Variants in CAPZB observed in about 807,000 individuals in gnomAD.
CAPZB encodes the protein F-actin-capping protein subunit beta.
A neutral mutation model predicts 38.1 loss-of-function variants in CAPZB; 2 were observed. The ratio of observed to expected loss-of-function variants is 0.05; its 90% CI spans 0.02 to 0.17. CAPZB has a LOEUF of 0.17. Among genes scored for constraint, CAPZB ranks in the 10% least tolerant of loss-of-function variants. The probability of loss-of-function intolerance (pLI) is 1.00; values close to 1 mark genes in which losing one functional copy is unlikely to be tolerated. For synonymous variants in CAPZB, 107 were observed against 127.4 expected (o/e 0.84, Z 1.08); for missense variants, 161 against 334.2 (o/e 0.48, Z 4.04).
At chr1:19,408,293 A>C (rs903384052) in intron 2 of CAPZB, among the ~76,000 whole-genome samples, 1 of 152,212 alleles carries the variant, frequency 6.6e-6, no homozygotes, top group African/African-American at 2.4e-5. Context: ...AGCCAGCATC[A>C]ATTAAGTGCC....
chr1:19,449,436 G>A lies in CAPZB; in HGVS notation c.4-29686C>T, dbSNP rs561474124. The A allele has an allele frequency of 4.4e-5, 26 of 585,838 alleles. No individual in the cohort carries two copies. The African/African-American group carries it at 5.0e-4, about 11-fold the overall frequency. 36.3% of individuals were successfully genotyped at this position (585,838 alleles called of 1,614,324 possible). On this transcript the variant is annotated intron_variant, in intron 1 of 8. Coordinates refer to ENST00000264202, the MANE Select transcript of CAPZB (RefSeq NM_004930.5). ...ACCAGCAGGTCTCAGGGTGAACCAT[G>A]GTATGTCCACTCAGTGGAACAGTAC...
intron 2 of CAPZB, among the ~76,000 whole-genome samples, chr1:19,411,820 T>C (rs1242172326): frequency 6.6e-6 from 1 of 152,208 alleles, no homozygotes; most frequent in African/African-American, 2.4e-5. Context: ...ATGCCATTTC[T>C]TCCTGGTGAA....
chr1:19,411,757 C>T (rs1404947939), intron 2 of CAPZB, among the ~76,000 whole-genome samples: 3 of 152,204 alleles, frequency 2.0e-5, no homozygotes, highest in African/African-American at 7.2e-5. Context: ...TATGAGGGAG[C>T]TGGTCAGGTA....
chr1:19,406,078 T>C (rs1367757554), intron 2 of CAPZB, among the ~76,000 whole-genome samples: 1 of 152,124 alleles, frequency 6.6e-6, no homozygotes, highest in African/African-American at 2.4e-5. Flanking sequence ...TGAACCTTAA[T>C]TGTGAGCTCG....
Position 19,354,758 on chromosome 1 carries a change from A to G in CAPZB, c.588+1877T>C, listed in dbSNP as rs186752769. ...GTCCAGGTCACTGTAAACCGGGTGG[A>G]ATTATCAACAGCCTGGAGTGGTAAG... On this transcript the variant is annotated intron_variant, in intron 6 of 8. Transcript: ENST00000264202. 2.3e-3 allele frequency among the ~76,000 whole-genome samples: 350 copies of G among 152,312 alleles called. 2 individuals carry two copies. Among genetic ancestry groups the G allele is most frequent in the African/African-American group, 8.3e-3 (346 of 41,562 alleles).
At chr1:19,371,292 T>A (rs2094118219) in intron 4 of CAPZB, among the ~76,000 whole-genome samples, 1 of 152,210 alleles carries the variant, frequency 6.6e-6, no homozygotes. Context: ...TGGTCCCGTA[T>A]CTGTGATCAT....
At chr1:19,444,258 C>T (rs576785041) in intron 1 of CAPZB, among the ~76,000 whole-genome samples, 164 of 152,294 alleles carry the variant, frequency 1.1e-3, no homozygotes, top group African/African-American at 3.7e-3. Flanking sequence ...CTCAATCCCT[C>T]TCTCTCCTGA....
intron 3 of CAPZB, among the ~76,000 whole-genome samples, chr1:19,382,528 AGAAGACCTT>A (rs1450217965): frequency 5.9e-5 from 9 of 152,232 alleles, no homozygotes; most frequent in Admixed American, 5.9e-4. Flanking sequence ...GGACAGAATC[AGAAGACCTT>A]GAAGTTTCAT....
At chr1:19,447,774 G>A (rs1277211031) in intron 1 of CAPZB, among the ~76,000 whole-genome samples, 1 of 152,192 alleles carries the variant, frequency 6.6e-6, no homozygotes, top group Admixed American at 6.5e-5. Flanking sequence ...CCAGCAGCTC[G>A]CAGGCCACAC....
chr1:19,352,554 CT>C (rs1051890011), intron 6 of CAPZB, among the ~76,000 whole-genome samples: 30 of 152,218 alleles, frequency 2.0e-4, no homozygotes, highest in Non-Finnish European at 3.5e-4. Context: ...GGCTTGCAAC[CT>C]TTTTTCGCTT....
chr1:19,449,309 C>G, intron 1 of CAPZB: 1 of 1,032,130 alleles, frequency 9.7e-7, no homozygotes, highest in South Asian at 3.9e-5. Flanking sequence ...TGGCGAGATG[C>G]GAGTCACGGT....
chr1:19,434,147 C>T (rs1376010400), intron 1 of CAPZB, among the ~76,000 whole-genome samples: 3 of 152,158 alleles, frequency 2.0e-5, no homozygotes, highest in Admixed American at 6.5e-5. Context: ...CTTTGGGCTT[C>T]GATTTTCCAG....
rs2094252314 is a variant in CAPZB at position 19,393,958 on chromosome 1, T to C, written c.94-8332A>G. 2.0e-5 allele frequency among the ~76,000 whole-genome samples: 3 copies of C among 152,202 alleles called. 1 individual carries two copies. Among genetic ancestry groups the C allele is most frequent in the Non-Finnish European group, 2.9e-5 (2 of 68,012 alleles). On this transcript the variant is annotated intron_variant, in intron 2 of 8. Transcript: ENST00000264202. ...AGAGGACACTTCCAGGTCCAGCCTC[T>C]CTCCTCTTTAAGAAGTCACTTGGCG...
At chr1:19,469,741 T>TACACACACACACACACACACAC (rs60330360) in intron 1 of CAPZB, among the ~76,000 whole-genome samples, 8 of 136,620 alleles carry the variant, frequency 5.9e-5, no homozygotes, top group South Asian at 2.4e-4. Context: ...AGGAAAAGAA[T>TACACACACACACACACACACAC]ACACACACAC....
chr1:19,483,766 G>A (rs2094639640), intron 1 of CAPZB, among the ~76,000 whole-genome samples: 2 of 152,206 alleles, frequency 1.3e-5, no homozygotes, highest in South Asian at 4.1e-4. Flanking sequence ...CCCAAACAAG[G>A]AGTTTTCAGC....
At chr1:19,386,532 C>T (rs1223516011) in intron 2 of CAPZB, among the ~76,000 whole-genome samples, 1 of 152,206 alleles carries the variant, frequency 6.6e-6, no homozygotes, top group South Asian at 2.1e-4. Flanking sequence ...GCACCAATAA[C>T]CCTTCCCAGT....
chr1:19,372,007 G>T (rs3790768), intron 4 of CAPZB, among the ~76,000 whole-genome samples: 28,470 of 152,268 alleles, frequency 0.19, 3,263 homozygotes, highest in Non-Finnish European at 0.24. Context: ...GCTCCTGGCT[G>T]CTCCACTCCT....
At chr1:19,408,247 C>A (rs931607221) in intron 2 of CAPZB, among the ~76,000 whole-genome samples, 1 of 152,238 alleles carries the variant, frequency 6.6e-6, no homozygotes, top group Admixed American at 6.5e-5. Flanking sequence ...GTGAGCCAAT[C>A]GGCCCTAGGA....
At chr1:19,359,609 G>A (rs1232571883) in intron 4 of CAPZB, among the ~76,000 whole-genome samples, 2 of 152,230 alleles carry the variant, frequency 1.3e-5, no homozygotes, top group Non-Finnish European at 2.9e-5. Flanking sequence ...GGGCAGATGA[G>A]GGCAGGGCTG....
Sources: allele counts gnomAD v4.1 joint callset (sites outside exome capture counted in the v4.1 genomes callset), GRCh38; gene constraint gnomAD v4.1.1; transcripts MANE v1.5; gene names NCBI Gene and HGNC (gene_info 2026-07-23, HGNC 2026-07-21).